Variants in C10orf143 observed in about 807,000 individuals in gnomAD.
The protein encoded by C10orf143 is chromosome 10 open reading frame 143, also known as uncharacterized protein C10orf143.
intron 1 of C10orf143, among the ~76,000 whole-genome samples, chr10:130,096,940 T>C (rs1861471997): frequency 6.7e-6 from 1 of 150,118 alleles, no homozygotes; most frequent in African/African-American, 2.4e-5. Flanking sequence ...CCAGAAAATA[T>C]ATATATATAA....
chr10:130,097,821 G>A (rs1364127432), intron 1 of C10orf143, among the ~76,000 whole-genome samples: 1 of 152,136 alleles, frequency 6.6e-6, no homozygotes, highest in Non-Finnish European at 1.5e-5. Flanking sequence ...ACCCTATCAG[G>A]TATGACTCCC....
chr10:130,080,508 G>A (rs920452883), intron 1 of C10orf143, among the ~76,000 whole-genome samples: 7 of 152,226 alleles, frequency 4.6e-5, no homozygotes. Context: ...AAGACTTTGT[G>A]TATTTTTAGG....
chr10:130,072,143 T>C (rs1353533440), intron 3 of C10orf143, among the ~76,000 whole-genome samples: 1 of 152,356 alleles, frequency 6.6e-6, no homozygotes, highest in Admixed American at 6.5e-5. Flanking sequence ...CATATATGCA[T>C]GTTTAAAGAT....
At position 130,088,911 on chromosome 10, in the gene C10orf143, A is replaced by G. The variant is rs145942148; in HGVS notation, c.70-9010T>C. Among the ~76,000 whole-genome samples, 197 of 152,312 alleles carry G rather than the reference A, an allele frequency of 1.3e-3. 1 individual carries two copies. Among genetic ancestry groups the G allele is most frequent in the Non-Finnish European group, 2.5e-3 (173 of 68,022 alleles). Reference sequence around the variant, plus strand: ...GAGGGCCAGAAGTTAGGATTCTCACACTGAACTCCTGCATTACCAGGGCAC... The same window carrying G: ...GAGGGCCAGAAGTTAGGATTCTCACGCTGAACTCCTGCATTACCAGGGCAC... On this transcript the variant is annotated intron_variant, in intron 1 of 3. Coordinates refer to ENST00000637128, the MANE Select transcript of C10orf143 (RefSeq NM_001355042.2).
chr10:130,049,265 G>C (rs1220188072), intron 3 of C10orf143, among the ~76,000 whole-genome samples: 2 of 152,218 alleles, frequency 1.3e-5, no homozygotes, highest in African/African-American at 4.8e-5. Flanking sequence ...GGAGACAGCA[G>C]GCATCTTTGA....
In C10orf143 at chr10:130,110,714, G is replaced by A. The variant is rs1291603226; in HGVS notation, c.59C>T (p.Pro20Leu). 2 of 398,738 alleles carry A rather than the reference G, an allele frequency of 5.0e-6. No homozygotes were observed. The highest frequency in any genetic ancestry group is 2.1e-5 in the African/African-American group (1 of 48,630). 24.7% of individuals were successfully genotyped at this position (398,738 alleles called of 1,614,324 possible). ...RQRRAEDLQV[P>L]GDVKRVCRRL... The stretch of plus-strand genomic sequence containing the variant: ...GCCCCGGGGGCTCACCACGTCCCCC[G>A]GAACCTGCAGATCCTCCGCCCTCCG... The change falls in exon 1 of 4, where the codon CCG becomes CTG. Residue 20 changes from proline to leucine, a missense_variant. By Grantham distance (98) the Pro-to-Leu change is moderately conservative. Transcript: ENST00000637128.
At chr10:130,102,873 T>C (rs1861579451) in intron 1 of C10orf143, among the ~76,000 whole-genome samples, 1 of 152,234 alleles carries the variant, frequency 6.6e-6, no homozygotes, top group African/African-American at 2.4e-5. Flanking sequence ...CAACTCCACC[T>C]TTCTTCTGGT....
rs1005581535 is a variant in C10orf143, at chr10:130,063,974, A to C, written c.*380T>G. Reference sequence around the variant, plus strand: ...TACATCCACAAAACAACGAAAAAGCATGATGGCGGGGCTGCGTCTGGGTGG... The same window carrying C: ...TACATCCACAAAACAACGAAAAAGCCTGATGGCGGGGCTGCGTCTGGGTGG... On this transcript the variant is annotated 3_prime_UTR_variant, in exon 4 of 4. Transcript: ENST00000637128. 5.3e-4 allele frequency: 97 copies of C among 182,992 alleles called. 1 individual carries two copies. The highest frequency in any genetic ancestry group is 2.1e-3 in the African/African-American group (92 of 42,950). The allele number at this position is 182,992 out of a possible 1,614,324, so 11.3% of individuals were successfully genotyped here. A position where few individuals can be genotyped will look rare whatever the true frequency, so the allele number is the denominator to read the frequency against.
chr10:130,049,198 G>A (rs1018370083), intron 3 of C10orf143, among the ~76,000 whole-genome samples: 8 of 152,146 alleles, frequency 5.3e-5, no homozygotes, highest in African/African-American at 1.4e-4. Context: ...GGGCTCATGC[G>A]TTTGCACCTC....
chr10:130,046,966 A>G (rs537127444), intron 3 of C10orf143, among the ~76,000 whole-genome samples: 1 of 152,326 alleles, frequency 6.6e-6, no homozygotes, highest in Admixed American at 6.5e-5. Flanking sequence ...AACGTTCTGT[A>G]TTCTAGTCAA....
At chr10:130,076,661 C>G (rs531805736) in intron 3 of C10orf143, among the ~76,000 whole-genome samples, 31 of 152,278 alleles carry the variant, frequency 2.0e-4, no homozygotes, top group African/African-American at 7.2e-4. Flanking sequence ...TTTCATGTAC[C>G]TTCTTTTGAT....
At chr10:130,095,616 AG>A (rs1291678223) in intron 1 of C10orf143, among the ~76,000 whole-genome samples, 1 of 152,214 alleles carries the variant, frequency 6.6e-6, no homozygotes, top group Non-Finnish European at 1.5e-5. Context: ...GGAACAGAAC[AG>A]GGGCCTCAGA....
chr10:130,082,716 T>C (rs926596797), intron 1 of C10orf143, among the ~76,000 whole-genome samples: 2 of 152,208 alleles, frequency 1.3e-5, no homozygotes, highest in African/African-American at 4.8e-5. Context: ...GTCTCCAGTA[T>C]GTCTTTATCA....
At chr10:130,062,326 G>C (rs1860866209), downstream of C10orf143, among the ~76,000 whole-genome samples, 1 of 152,174 alleles carries the variant, frequency 6.6e-6, no homozygotes, top group South Asian at 2.1e-4. Context: ...GTGTCTGTGA[G>C]GGTGTTGCCA....
chr10:130,063,155 G>C (rs1312662842), downstream of C10orf143, among the ~76,000 whole-genome samples: 1 of 152,160 alleles, frequency 6.6e-6, no homozygotes, highest in Non-Finnish European at 1.5e-5. Flanking sequence ...AGCTTCGTAT[G>C]AACAGCTGGA....
At position 130,076,027 on chromosome 10, in the gene C10orf143, C is replaced by T. The variant is rs1209832487; in HGVS notation, c.297+3539G>A. Among the ~76,000 whole-genome samples, 10 of 140,066 alleles carry T rather than the reference C, an allele frequency of 7.1e-5. No individual in the cohort carries two copies. In the South Asian group the frequency reaches 1.3e-3, roughly 19 times the overall value. The allele number at this position is 140,066 out of a possible 152,430, so 91.9% of individuals were successfully genotyped here. On this transcript the variant is annotated intron_variant, in intron 3 of 3. Transcript: ENST00000637128. ...TGGAAATGATGGAGTCTCATTCTGT[C>T]ACTCAGGCTGGAGTGCAATGGCGCA...
chr10:130,089,465 G>A (rs1273687971), intron 1 of C10orf143, among the ~76,000 whole-genome samples: 2 of 151,960 alleles, frequency 1.3e-5, no homozygotes, highest in African/African-American at 4.8e-5. Context: ...TTATAGATGA[G>A]GAAAAAGAAG....
chr10:130,066,354 ATT>A (rs1245464072), intron 3 of C10orf143: 45 of 132,862 alleles, frequency 3.4e-4, no homozygotes, highest in Non-Finnish European at 2.1e-4. Context: ...CACCTGGCTA[ATT>A]TTTTTTTTTT....
At chr10:130,096,759 G>A (rs973806644) in intron 1 of C10orf143, among the ~76,000 whole-genome samples, 5 of 149,246 alleles carry the variant, frequency 3.4e-5, no homozygotes, top group Admixed American at 6.8e-5. Context: ...TAGATGATGG[G>A]TTGATGGGTG....
Sources: allele counts gnomAD v4.1 joint callset (sites outside exome capture counted in the v4.1 genomes callset), GRCh38; gene constraint gnomAD v4.1.1; transcripts MANE v1.5; gene names NCBI Gene and HGNC (gene_info 2026-07-23, HGNC 2026-07-21).